The following EPS8 variants were observed in gnomAD, a reference collection of about 807,000 sequenced individuals.
EPS8 encodes the protein EGFR pathway substrate 8, signaling adaptor.
Under a neutral mutation model 103.8 loss-of-function variants are expected in EPS8, and 42 were observed. The ratio of observed to expected loss-of-function variants is 0.40; its 90% CI spans 0.32 to 0.52. EPS8 has a LOEUF of 0.52. Ranked by LOEUF, EPS8 falls within the 20% of genes least tolerant of loss-of-function variation. EPS8 has a pLI of 0.40. For missense variants in EPS8, 969 were observed against 1,005.1 expected, an observed-to-expected ratio of 0.96 and a Z score of 0.49; for synonymous variants, 344 against 344.6, an observed-to-expected ratio of 1.00 and a Z score of 0.02.
rs1022315424 is a variant in EPS8 at position 15,735,685 on chromosome 12, C to T, written c.-21-52713G>A. Among the ~76,000 whole-genome samples the T allele has an allele frequency of 1.3e-5, 2 of 152,128 alleles. No individual in the cohort carries two copies. Among genetic ancestry groups the T allele is most frequent in the African/African-American group, 4.8e-5 (2 of 41,406 alleles). ...ATTGAGCTCAAAGCCTACAAATAAACATAGTAATCAGGTTATTTAAATTGT... is the reference window on the plus strand; with the variant it reads ...ATTGAGCTCAAAGCCTACAAATAAATATAGTAATCAGGTTATTTAAATTGT... On this transcript the variant is annotated intron_variant, in intron 1 of 20. Transcript: ENST00000281172. The surrounding 1 kb of genome is among the most constrained non-coding windows in gnomAD (Gnocchi z 4.4).
At chr12:15,653,970 C>T (rs1005565980) in intron 13 of EPS8, among the ~76,000 whole-genome samples, 175 bp downstream of exon 13, 66 of 152,304 alleles carry the variant, frequency 4.3e-4, no homozygotes, top group African/African-American at 1.6e-3. Context: ...TATATCATGC[C>T]TTATATTACA....
intron 1 of EPS8, among the ~76,000 whole-genome samples, chr12:15,699,982 C>T (rs1367907030): frequency 6.6e-6 from 1 of 152,114 alleles, no homozygotes; most frequent in African/African-American, 2.4e-5. Flanking sequence ...GGTGAAACCC[C>T]ATCTCTACTA....
chr12:15,726,342 G>A (rs1946652973), intron 1 of EPS8, among the ~76,000 whole-genome samples: 1 of 152,096 alleles, frequency 6.6e-6, no homozygotes, highest in African/African-American at 2.4e-5. Context: ...AGACTCATCT[G>A]TGGGATATAA....
At chr12:15,710,608 T>C (rs561690009) in intron 1 of EPS8, among the ~76,000 whole-genome samples, 5 of 152,198 alleles carry the variant, frequency 3.3e-5, no homozygotes, top group Non-Finnish European at 7.4e-5. Flanking sequence ...GTACACACGA[T>C]TCTGTATAAA....
intron 1 of EPS8, among the ~76,000 whole-genome samples, chr12:15,744,822 A>C (rs995605551): frequency 6.6e-6 from 1 of 152,194 alleles, no homozygotes; most frequent in Non-Finnish European, 1.5e-5. Flanking sequence ...TACTTTTAAA[A>C]GTCTTTTGTG....
intron 17 of EPS8, among the ~76,000 whole-genome samples, chr12:15,635,598 C>T (rs1202949743): frequency 2.6e-5 from 4 of 152,038 alleles, no homozygotes; most frequent in Non-Finnish European, 2.9e-5. Flanking sequence ...GTAGTGTTAG[C>T]GGTTTAGTAG....
rs1463042551 is a variant in EPS8 at position 15,761,230 on chromosome 12, G to T, written c.-22+27931C>A. ...ATTAAATACCTAGGAATTAACTAAAGAAGTGAAGAATCTCTATCATGAAAA... is the reference window on the plus strand; with the variant it reads ...ATTAAATACCTAGGAATTAACTAAATAAGTGAAGAATCTCTATCATGAAAA... On this transcript the variant is annotated intron_variant, in intron 1 of 20. Transcript: ENST00000281172. This position sits in a 1 kb window ranked among gnomAD's most constrained non-coding sequence, Gnocchi z 4.5. 2.6e-5 allele frequency among the ~76,000 whole-genome samples: 4 copies of T among 151,880 alleles called. No individual in the cohort carries two copies. Among genetic ancestry groups the T allele is most frequent in the Non-Finnish European group, 4.4e-5 (3 of 67,926 alleles).
At chr12:15,625,518 T>C (rs1156733091) in intron 18 of EPS8, among the ~76,000 whole-genome samples, 3 of 152,162 alleles carry the variant, frequency 2.0e-5, no homozygotes, top group African/African-American at 4.8e-5. Context: ...ATTCTCCTAT[T>C]TTCTCTTAAT....
rs1946681394 is a variant in EPS8, at chr12:15,728,701, A to G, written c.-21-45729T>C. Among the ~76,000 whole-genome samples, 1 of 151,934 alleles carries G rather than the reference A, an allele frequency of 6.6e-6. No individual in the cohort carries two copies. Among genetic ancestry groups the G allele is most frequent in the Non-Finnish European group, 1.5e-5 (1 of 67,992 alleles). On this transcript the variant is annotated intron_variant, in intron 1 of 20. Transcript: ENST00000281172. The surrounding 1 kb of genome is among the most constrained non-coding windows in gnomAD (Gnocchi z 4.5). Reference sequence around the variant, plus strand: ...GTGACTTACTTGAACACAAAACAACACTCCATTCCTGAGACTTTCAATAAG... The same window carrying G: ...GTGACTTACTTGAACACAAAACAACGCTCCATTCCTGAGACTTTCAATAAG...
At chr12:15,678,831 T>TGAGGCAAG (rs1945953677) in intron 3 of EPS8, among the ~76,000 whole-genome samples, 2 of 150,698 alleles carry the variant, frequency 1.3e-5, no homozygotes, top group South Asian at 4.2e-4. Flanking sequence ...AGAGAATCGC[T>TGAGGCAAG]TGAACCCTGG....
At chr12:15,666,642 T>A in intron 6 of EPS8, 120 bp from the exon 7 acceptor site, 1 of 663,790 alleles carries the variant, frequency 1.5e-6, no homozygotes, top group Non-Finnish European at 2.5e-6. Context: ...ATGTAAAAAG[T>A]CTTTTTATAA....
rs1235127992 is a variant in EPS8 at position 15,728,849 on chromosome 12, G to T, written c.-21-45877C>A. Among the ~76,000 whole-genome samples the T allele has an allele frequency of 6.6e-6, 1 of 152,162 alleles. No homozygotes were observed. The highest frequency in any genetic ancestry group is 2.4e-5 in the African/African-American group (1 of 41,436). ...CAATAAAAATGGGCTAAAGGACACT[G>T]TTAAGAAAATGAAAAGACAAGCCAC... is the stretch of plus-strand genomic sequence containing the variant. On this transcript the variant is annotated intron_variant, in intron 1 of 20. Transcript: ENST00000281172. The surrounding 1 kb of genome is among the most constrained non-coding windows in gnomAD (Gnocchi z 4.5).
rs974202211 is a variant in EPS8, at chr12:15,700,958, G to C, written c.-21-17986C>G. Among the ~76,000 whole-genome samples, 5 of 152,140 alleles carry C rather than the reference G, an allele frequency of 3.3e-5. No individual in the cohort carries two copies. Among genetic ancestry groups the C allele is most frequent in the African/African-American group, 7.2e-5 (3 of 41,432 alleles). On this transcript the variant is annotated intron_variant, in intron 1 of 20. Coordinates refer to ENST00000281172, the MANE Select transcript of EPS8 (RefSeq NM_004447.6). This position sits in a 1 kb window ranked among gnomAD's most constrained non-coding sequence, Gnocchi z 5.1. ...TCATAAACATACGGTCAGGAGAAAG[G>C]AGACTTTAAAAATAGTCAAAAATTG...
rs1230124032 is a variant in EPS8 at position 15,727,506 on chromosome 12, C to T, written c.-21-44534G>A. Among the ~76,000 whole-genome samples, 1 of 152,040 alleles carries T rather than the reference C, an allele frequency of 6.6e-6. No homozygotes were observed. Among genetic ancestry groups the T allele is most frequent in the Non-Finnish European group, 1.5e-5 (1 of 68,010 alleles). ...ATAAATTTAACTTAAGACAACTGAC[C>T]CATTGCTACAACTTTTGTAAATACA... On this transcript the variant is annotated intron_variant, in intron 1 of 20. Coordinates refer to ENST00000281172, the MANE Select transcript of EPS8 (RefSeq NM_004447.6). This position sits in a 1 kb window ranked among gnomAD's most constrained non-coding sequence, Gnocchi z 4.3.
Position 15,621,202 on chromosome 12 carries a change from T to TC in EPS8, c.*114_*115insG, listed in dbSNP as rs397773221. On this transcript the variant is annotated 3_prime_UTR_variant, in exon 21 of 21. Transcript: ENST00000281172. The stretch of plus-strand genomic sequence containing the variant: ...ACTCAGGTTTGCATGGGTTTTTTTT[T>TC]ATGGTGATAAATTACATCAAGAAAA... 1.8e-6 allele frequency: 1 copy of TC among 550,042 alleles called. No homozygotes were observed. The highest frequency in any genetic ancestry group is 2.0e-5 in the African/African-American group (1 of 49,742). The allele number at this position is 550,042 out of a possible 1,614,324, so 34.1% of individuals were successfully genotyped here.
chr12:15,757,090 A>G lies in EPS8; in HGVS notation c.-22+32071T>C, dbSNP rs1292010014. Among the ~76,000 whole-genome samples, 2 of 152,230 alleles carry G rather than the reference A, an allele frequency of 1.3e-5. No homozygotes were observed. ...CATAAGCTCCAAGTGGATAATGATC[A>G]TATCTCATAAATTTTATGTCCCTAG... On this transcript the variant is annotated intron_variant, in intron 1 of 20. Coordinates refer to ENST00000281172, the MANE Select transcript of EPS8 (RefSeq NM_004447.6). The surrounding 1 kb of genome is among the most constrained non-coding windows in gnomAD (Gnocchi z 4.1).
At chr12:15,629,608 C>A (rs1591801351) in intron 18 of EPS8, among the ~76,000 whole-genome samples, 1 of 152,340 alleles carries the variant, frequency 6.6e-6, no homozygotes, top group South Asian at 2.1e-4. Context: ...GTTCTACACA[C>A]TCACGCACAC....
chr12:15,660,556 G>C, intron 10 of EPS8, 58 bp downstream of exon 10: 1 of 874,400 alleles, frequency 1.1e-6, no homozygotes. Flanking sequence ...GAGCCACTGC[G>C]CCCAGCCAGT....
intron 1 of EPS8, among the ~76,000 whole-genome samples, chr12:15,718,221 A>G (rs1221944799): frequency 6.6e-6 from 1 of 152,224 alleles, no homozygotes; most frequent in Non-Finnish European, 1.5e-5. Flanking sequence ...TTCAGATCCA[A>G]TACCCCAGAA....
Sources: gnomAD v4.1 joint callset for allele counts (sites outside exome capture counted in the v4.1 genomes callset) on GRCh38, gnomAD v4.1.1 for gene constraint, Gnocchi (gnomAD v3.1) non-coding constraint, MANE v1.5 for transcripts, NCBI Gene and HGNC (gene_info 2026-07-23, HGNC 2026-07-21) for gene names.